Variants in TECRL observed in about 807,000 individuals in gnomAD.
TECRL encodes trans-2,3-enoyl-CoA reductase like, also known as trans-2,3-enoyl-CoA reductase-like.
TECRL carries 63 observed loss-of-function variants against 52.8 expected under a neutral mutation model. That is an observed-to-expected ratio of 1.19 (90% CI 0.97 to 1.47). TECRL has a LOEUF of 1.47. Ranked by LOEUF, TECRL falls within the 40% of genes most tolerant of loss-of-function variation. The probability of loss-of-function intolerance (pLI) is 0.00; values close to 1 mark genes in which losing one functional copy is unlikely to be tolerated. For missense variants in TECRL, 482 were observed against 429.6 expected (o/e 1.12, Z -1.08); for synonymous variants, 164 against 141.9 (o/e 1.16, Z -1.10).
intron 7 of TECRL, among the ~76,000 whole-genome samples, chr4:64,301,370 C>G (rs993134244): frequency 6.6e-6 from 1 of 151,120 alleles, no homozygotes; most frequent in Non-Finnish European, 1.5e-5. Flanking sequence ...TGCCAAATCA[C>G]AGTTGGTTGC....
At chr4:64,281,407 T>C (rs1335607440) in intron 10 of TECRL, 67 bp downstream of exon 10, 3 of 938,868 alleles carry the variant, frequency 3.2e-6, no homozygotes, top group East Asian at 2.6e-5. Context: ...TACATGTAAA[T>C]ACATAAGCAC....
At chr4:64,357,877 G>A (rs12510710) in intron 2 of TECRL, among the ~76,000 whole-genome samples, 136,255 of 151,672 alleles carry the variant, frequency 0.9, 61,864 homozygotes, top group East Asian at 1. Context: ...TAATTCATAA[G>A]GACATTATAT....
At chr4:64,363,179 A>C (rs867572562) in intron 2 of TECRL, among the ~76,000 whole-genome samples, 4 of 152,306 alleles carry the variant, frequency 2.6e-5, no homozygotes, top group Non-Finnish European at 2.9e-5. Context: ...TAAATACCAG[A>C]TTAATAAAAC....
At chr4:64,331,163 T>G (rs1718610960) in intron 2 of TECRL, among the ~76,000 whole-genome samples, 1 of 152,054 alleles carries the variant, frequency 6.6e-6, no homozygotes, top group East Asian at 1.9e-4. Flanking sequence ...TAGAAAGAAA[T>G]TCACCTCCAG....
chr4:64,375,076 C>A, intron 2 of TECRL, 96 bp downstream of exon 2: 1 of 496,818 alleles, frequency 2.0e-6, no homozygotes, highest in Non-Finnish European at 3.4e-6. Context: ...CTATGGTTTT[C>A]ATACACTCTA....
chr4:64,407,952 C>T (rs1054149089), intron 1 of TECRL, among the ~76,000 whole-genome samples: 3 of 151,380 alleles, frequency 2.0e-5, no homozygotes, highest in Non-Finnish European at 3.0e-5. Context: ...ATATACTCAT[C>T]GCTTATATAT....
intron 1 of TECRL, among the ~76,000 whole-genome samples, chr4:64,406,943 G>GAAT (rs201704733): frequency 6.7e-6 from 1 of 150,332 alleles, no homozygotes. Flanking sequence ...ATAACATCAG[G>GAAT]AATAATAATA....
chr4:64,357,469 G>C (rs555390254), intron 2 of TECRL, among the ~76,000 whole-genome samples: 19 of 151,508 alleles, frequency 1.3e-4, no homozygotes, highest in Admixed American at 1.2e-3. Context: ...ATAAATGATC[G>C]TGGAAACAAT....
chr4:64,394,228 A>G (rs753390017), intron 1 of TECRL, among the ~76,000 whole-genome samples: 2 of 152,196 alleles, frequency 1.3e-5, no homozygotes, highest in African/African-American at 2.4e-5. Flanking sequence ...ATTGCAGATA[A>G]TAATAAAAAT....
At chr4:64,295,802 G>A (rs1723648392) in intron 8 of TECRL, among the ~76,000 whole-genome samples, 2 of 151,790 alleles carry the variant, frequency 1.3e-5, no homozygotes, top group South Asian at 4.1e-4. Context: ...GCTCAAAATA[G>A]ACAATTATTA....
rs529545787 is a variant in TECRL, at chr4:64,280,132, A to G, written c.1032T>C (p.Tyr344=). 5.0e-6 allele frequency: 8 copies of G among 1,604,666 alleles called. No individual in the cohort carries two copies. The East Asian group carries it at 9.0e-5, about 18-fold the overall frequency. The change falls in exon 12 of 12, where the codon TAT becomes TAC. Residue 344 remains tyrosine (Y), a synonymous_variant. Transcript: ENST00000381210. ...GAATATATGAATTGAATTTTCTCAG[A>G]TAAATCTTATGTTTCTTTTGTGCCC... ...SLWAQKKHKI[Y]LRKFNSYIHR... is the part of the protein sequence containing the mutation.
intron 2 of TECRL, among the ~76,000 whole-genome samples, chr4:64,373,929 T>TACACTATATATATACTATAC (rs1403591744): frequency 5.4e-5 from 8 of 147,888 alleles, no homozygotes; most frequent in Non-Finnish European, 6.0e-5. Flanking sequence ...ATATACTATA[T>TACACTATATATATACTATAC]ACACTATATA....
intron 1 of TECRL, among the ~76,000 whole-genome samples, chr4:64,382,444 G>A (rs2109712754): frequency 6.7e-6 from 1 of 150,204 alleles, no homozygotes; most frequent in East Asian, 1.9e-4. Context: ...TCCTCTTGCT[G>A]GATTGGCCTT....
chr4:64,395,687 G>A (rs974612301), intron 1 of TECRL, among the ~76,000 whole-genome samples: 11 of 152,066 alleles, frequency 7.2e-5, no homozygotes, highest in African/African-American at 2.4e-4. Flanking sequence ...TTTATTGTAG[G>A]TTGAGAGGGT....
At chr4:64,291,077 A>G (rs1577809951) in intron 8 of TECRL, among the ~76,000 whole-genome samples, 1 of 152,110 alleles carries the variant, frequency 6.6e-6, no homozygotes, top group African/African-American at 2.4e-5. Flanking sequence ...ATGAACCTGC[A>G]TTCACATGCC....
chr4:64,288,857 A>G (rs757915026), intron 9 of TECRL, among the ~76,000 whole-genome samples: 1 of 152,184 alleles, frequency 6.6e-6, no homozygotes, highest in Non-Finnish European at 1.5e-5. Flanking sequence ...CTTCTCCATG[A>G]CAGTGTCTGA....
At chr4:64,374,079 A>ATATATATATATATATATTTATT (rs1343885987) in intron 2 of TECRL, among the ~76,000 whole-genome samples, 134 of 96,736 alleles carry the variant, frequency 1.4e-3, no homozygotes, top group Middle Eastern at 7.4e-3. Context: ...ATATATATAT[A>ATATATATATATATATATTTATT]TATTTATCTT....
chr4:64,283,514 G>C (rs992409479), intron 9 of TECRL, among the ~76,000 whole-genome samples: 5 of 152,056 alleles, frequency 3.3e-5, no homozygotes, highest in Non-Finnish European at 7.4e-5. Context: ...TGTTATAGTG[G>C]TTGAAAACAA....
chr4:64,276,421 T>C (rs940509466), downstream of TECRL: 3 of 151,922 alleles, frequency 2.0e-5, no homozygotes, highest in African/African-American at 7.2e-5. Flanking sequence ...GTAGTAATGT[T>C]ATTGTTAATT....
Sources: allele counts gnomAD v4.1 joint callset (sites outside exome capture counted in the v4.1 genomes callset), GRCh38; gene constraint gnomAD v4.1.1; transcripts MANE v1.5; gene names NCBI Gene and HGNC (gene_info 2026-07-23, HGNC 2026-07-21).